OSBP: variants seen among roughly 807,000 people sequenced by gnomAD.
The protein encoded by OSBP is oxysterol-binding protein 1.
In OSBP, 32 loss-of-function variants were observed where a neutral mutation model predicts 96.6. That is an observed-to-expected ratio of 0.33 (90% CI 0.25 to 0.45). The LOEUF (loss-of-function observed/expected upper bound fraction) is 0.45, where lower values mean the gene tolerates loss of function less well. Ranked by LOEUF, OSBP falls within the 20% of genes least tolerant of loss-of-function variation. The pLI is 1.00. For missense variants in OSBP, 653 were observed against 1,029.7 expected (o/e 0.63, Z 5.01); for synonymous variants, 369 against 389.6 (o/e 0.95, Z 0.62).
Position 59,615,532 on chromosome 11 carries a change from C to T in OSBP, c.133G>A (p.Ala45Thr). 1.5e-6 allele frequency: 2 copies of T among 1,318,174 alleles called. No homozygotes were observed. Among genetic ancestry groups the T allele is most frequent in the Non-Finnish European group, 1.9e-6 (2 of 1,030,174 alleles). 81.7% of individuals were successfully genotyped at this position (1,318,174 alleles called of 1,614,324 possible). A position where few individuals can be genotyped will look rare whatever the true frequency, so the allele number is the denominator to read the frequency against. The stretch of plus-strand genomic sequence containing the variant: ...GCCGCGACCACCGTCCCTGACGCGG[C>T]CCCGGAGCCTGGCCCCGCATCTCCG... ...GRGDAGPGSG[A>T]ASGTVVAAAA... The change falls in exon 1 of 14, where the codon GCC becomes ACC. Residue 45 changes from alanine to threonine, a missense_variant. Physicochemically the swap from Ala to Thr is moderately conservative, Grantham distance 58 (BLOSUM62 0). This residue lies in a region of OSBP where 151 missense variants were observed against 146.1 expected (regional missense o/e 1.03). Coordinates refer to ENST00000263847, the MANE Select transcript of OSBP (RefSeq NM_002556.3).
At chr11:59,594,489 T>C (rs1246037742) in intron 7 of OSBP, among the ~76,000 whole-genome samples, 3 of 152,228 alleles carry the variant, frequency 2.0e-5, no homozygotes, top group African/African-American at 7.2e-5. Flanking sequence ...ATGGGAACCA[T>C]GCCTCTTCTG....
intron 7 of OSBP, among the ~76,000 whole-genome samples, chr11:59,595,679 C>CTT (rs1186096747): frequency 6.6e-6 from 1 of 152,040 alleles, no homozygotes; most frequent in Non-Finnish European, 1.5e-5. Flanking sequence ...GTGGCTCATG[C>CTT]TTACAATCCT....
At chr11:59,585,659 G>C (rs991041125) in intron 9 of OSBP, among the ~76,000 whole-genome samples, 3 of 152,234 alleles carry the variant, frequency 2.0e-5, no homozygotes, top group Non-Finnish European at 4.4e-5. Context: ...CACCCCGTCT[G>C]GGAGGTGTAC....
At chr11:59,600,453 G>C in intron 7 of OSBP, 43 bp downstream of exon 7, 1 of 1,606,544 alleles carries the variant, frequency 6.2e-7, no homozygotes, top group Non-Finnish European at 8.5e-7. Flanking sequence ...ACTGAGGCTT[G>C]AGAGGAACTC....
At position 59,576,445 on chromosome 11, in the gene OSBP, T is replaced by A; in HGVS notation, c.*132A>T. 9.6e-7 allele frequency: 1 copy of A among 1,045,654 alleles called. No homozygotes were observed. Among genetic ancestry groups the A allele is most frequent in the Non-Finnish European group, 1.4e-6 (1 of 720,544 alleles). The allele number at this position is 1,045,654 out of a possible 1,614,324, so 64.8% of individuals were successfully genotyped here. A position where few individuals can be genotyped will look rare whatever the true frequency, so the allele number is the denominator to read the frequency against. ...CTGGTGTCTCCTTCTGGTGATTGAT[T>A]TGGAAAAAATGATTGGTCAAGAGAG... On this transcript the variant is annotated 3_prime_UTR_variant, in exon 14 of 14. Transcript: ENST00000263847.
Position 59,593,463 on chromosome 11 carries a change from A to G in OSBP, c.1678+141T>C, listed in dbSNP as rs1023268504. 11 of 845,076 alleles carry G rather than the reference A, an allele frequency of 1.3e-5. No homozygotes were observed. In the South Asian group the frequency reaches 1.6e-4, roughly 13 times the overall value. The allele number at this position is 845,076 out of a possible 1,614,324, so 52.3% of individuals were successfully genotyped here. A position where few individuals can be genotyped will look rare whatever the true frequency, so the allele number is the denominator to read the frequency against. On this transcript the variant is annotated intron_variant, in intron 9 of 13. Transcript: ENST00000263847. The stretch of plus-strand genomic sequence containing the variant: ...TCATTTGATAGCTGAAAAGTTAAAT[A>G]CCTGCCCAAAGCCAGTTAGTGAGGG...
At chr11:59,613,932 G>C (rs773707316) in intron 1 of OSBP, among the ~76,000 whole-genome samples, 36 of 152,270 alleles carry the variant, frequency 2.4e-4, no homozygotes, top group Non-Finnish European at 4.4e-4. Flanking sequence ...GACTTGTTCA[G>C]CCTAACTCTC....
rs562178406 is a variant in OSBP, at chr11:59,600,714, G to GA, written c.1180-88dup. 730 of 1,173,502 alleles carry GA rather than the reference G, an allele frequency of 6.2e-4. 1 individual carries two copies. Among genetic ancestry groups the GA allele is most frequent in the East Asian group, 4.4e-3 (158 of 35,846 alleles). The allele number at this position is 1,173,502 out of a possible 1,614,324, so 72.7% of individuals were successfully genotyped here. Reference sequence around the variant, plus strand: ...CTTCCCTTCCCCCGTGCTAAAAAAAGAAAAAAAAATCAGTTTCTCTTAGCA... The same window carrying GA: ...CTTCCCTTCCCCCGTGCTAAAAAAAGAAAAAAAAAATCAGTTTCTCTTAGCA... On this transcript the variant is annotated intron_variant, in intron 6 of 13. Transcript: ENST00000263847.
intron 9 of OSBP, among the ~76,000 whole-genome samples, chr11:59,593,241 C>A (rs1241003349): frequency 6.6e-6 from 1 of 152,088 alleles, no homozygotes; most frequent in Non-Finnish European, 1.5e-5. Context: ...ACCTTGCAAT[C>A]ATGAGTTCTG....
chr11:59,600,408 CA>C, intron 7 of OSBP, 87 bp downstream of exon 7: 1 of 1,382,596 alleles, frequency 7.2e-7, no homozygotes, highest in South Asian at 1.3e-5. Flanking sequence ...AACTGCCGCA[CA>C]AGTGGGTGGG....
rs1281721373 is a variant in OSBP at position 59,600,884 on chromosome 11, G to A, written c.1125-11C>T. 1.7e-5 allele frequency: 27 copies of A among 1,611,050 alleles called. No individual in the cohort carries two copies. The highest frequency in any genetic ancestry group is 2.2e-5 in the Non-Finnish European group (26 of 1,177,406). On this transcript the variant is annotated splice_polypyrimidine_tract_variant and intron_variant, in intron 5 of 13. Transcript: ENST00000263847. ...TTGCTGCCAGTACGTCTGTACAGAT[G>A]GGAAACACAGGAGAATTAGAACAAA...
At chr11:59,605,218 G>T (rs900179716) in intron 3 of OSBP, among the ~76,000 whole-genome samples, 2 of 152,000 alleles carry the variant, frequency 1.3e-5, no homozygotes, top group Admixed American at 1.3e-4. Context: ...CTACTACCAA[G>T]CTTAGTTGGT....
intron 3 of OSBP, among the ~76,000 whole-genome samples, chr11:59,604,705 A>G (rs554792566): frequency 6.0e-4 from 91 of 151,952 alleles, no homozygotes; most frequent in African/African-American, 2.1e-3. Flanking sequence ...TGTCTCAAAA[A>G]AAAAGTTGAG....
chr11:59,585,603 C>A (rs1860490316), intron 9 of OSBP, among the ~76,000 whole-genome samples: 1 of 151,882 alleles, frequency 6.6e-6, no homozygotes, highest in South Asian at 2.1e-4. Context: ...GGCGCCTCTG[C>A]CCAGCCGCCC....
chr11:59,591,422 A>G (rs1860578658), intron 9 of OSBP, among the ~76,000 whole-genome samples: 2 of 152,196 alleles, frequency 1.3e-5, no homozygotes, highest in African/African-American at 4.8e-5. Context: ...CAGATACCAC[A>G]ATTTGGTCAA....
In OSBP at chr11:59,575,509, T is replaced by C. The variant is rs1023554874; in HGVS notation, c.*1068A>G. The C allele has an allele frequency of 6.6e-6, 1 of 152,514 alleles. No homozygotes were observed. The highest frequency in any genetic ancestry group is 2.4e-5 in the African/African-American group (1 of 41,402). 9.4% of individuals were successfully genotyped at this position (152,514 alleles called of 1,614,324 possible). A position where few individuals can be genotyped will look rare whatever the true frequency, so the allele number is the denominator to read the frequency against. ...TGGGAAGGAAATCAAACCAAAAAATTAGATTTTTCTCTACATATATATAAT... is the reference window on the plus strand; with the variant it reads ...TGGGAAGGAAATCAAACCAAAAAATCAGATTTTTCTCTACATATATATAAT... On this transcript the variant is annotated 3_prime_UTR_variant, in exon 14 of 14. Coordinates refer to ENST00000263847, the MANE Select transcript of OSBP (RefSeq NM_002556.3).
chr11:59,609,112 T>C (rs992924124), intron 2 of OSBP, among the ~76,000 whole-genome samples: 1 of 152,226 alleles, frequency 6.6e-6, no homozygotes, highest in Non-Finnish European at 1.5e-5. Context: ...TGGGAATTAA[T>C]TACTGAGCTC....
rs912726234 is a variant in OSBP at position 59,601,385 on chromosome 11, T to C, written c.1022A>G (p.Asp341Gly). ...NTPGNVGSGKDQCCSGKGDMS... is the reference protein window; with the variant it reads ...NTPGNVGSGKGQCCSGKGDMS... ...GTCCCCTTTGCCAGAGCAGCACTGA[T>C]CTACAAGAAGAAAAGCCCCATTTGT... The change falls in exon 5 of 14, where the codon GAT (aspartate) becomes GGT (glycine). Residue 341 changes from aspartate (D) to glycine (G), a missense_variant and splice_region_variant. Physicochemically the swap from Asp to Gly is moderately conservative, Grantham distance 94 (BLOSUM62 -1). Around this residue, in one of 6 missense-constraint regions of OSBP, gnomAD observed 308 missense variants for 573.1 expected, o/e 0.54. Transcript: ENST00000263847. 1 of 1,603,126 alleles carries C rather than the reference T, an allele frequency of 6.2e-7. No homozygotes were observed. Among genetic ancestry groups the C allele is most frequent in the Non-Finnish European group, 8.5e-7 (1 of 1,171,988 alleles).
At chr11:59,615,194 G>A (rs1161589126) in intron 1 of OSBP, 109 bp downstream of exon 1, 1 of 889,824 alleles carries the variant, frequency 1.1e-6, no homozygotes, top group Non-Finnish European at 1.7e-6. Flanking sequence ...GACGAAAAGG[G>A]GCCTGGGGCA....
Sources: allele counts gnomAD v4.1 joint callset (sites outside exome capture counted in the v4.1 genomes callset), GRCh38; gene constraint gnomAD v4.1.1; regional missense constraint gnomAD v4.1.1; transcripts MANE v1.5; gene names NCBI Gene and HGNC (gene_info 2026-07-23, HGNC 2026-07-21).